Variants in MAPK9 observed in about 807,000 individuals in gnomAD.
MAPK9 encodes mitogen-activated protein kinase 9.
MAPK9 carries 30 observed loss-of-function variants against 57.1 expected under a neutral mutation model. The observed-to-expected ratio is 0.53, with a 90% CI of 0.39 to 0.71. MAPK9 has a LOEUF of 0.71. Ranked by LOEUF, MAPK9 falls within the 30% of genes least tolerant of loss-of-function variation. The pLI, the probability that MAPK9 is intolerant of heterozygous loss-of-function variation, is 0.00. For missense variants in MAPK9, 362 were observed against 521.0 expected, an observed-to-expected ratio of 0.69 and a Z score of 2.97; for synonymous variants, 155 against 177.0, an observed-to-expected ratio of 0.88 and a Z score of 0.99.
At chr5:180,253,038 A>G (rs1758875408) in intron 5 of MAPK9, among the ~76,000 whole-genome samples, 2 of 152,162 alleles carry the variant, frequency 1.3e-5, no homozygotes, top group Non-Finnish European at 2.9e-5. Context: ...CCGCCACAGG[A>G]GTGAGAGTGA....
chr5:180,236,143 C>T lies in MAPK9; in HGVS notation c.*241G>A. ...CAAATTCACCTACTCTAACTGCTCA[C>T]CTGAAATGATCTTGAACAAAATCTC... is the stretch of plus-strand genomic sequence containing the variant. On this transcript the variant is annotated 3_prime_UTR_variant, in exon 12 of 12. Transcript: ENST00000452135. The T allele has an allele frequency of 2.8e-6, 1 of 353,182 alleles. No individual in the cohort carries two copies. The allele number at this position is 353,182 out of a possible 1,614,324, so 21.9% of individuals were successfully genotyped here. A position where few individuals can be genotyped will look rare whatever the true frequency, so the allele number is the denominator to read the frequency against.
intron 2 of MAPK9, among the ~76,000 whole-genome samples, chr5:180,273,331 T>A (rs1309363595): frequency 6.6e-6 from 1 of 152,240 alleles, no homozygotes; most frequent in African/African-American, 2.4e-5. Flanking sequence ...CTTGGTTTTT[T>A]AAAATAAACA....
At chr5:180,238,827 T>C (rs1045100020) in intron 10 of MAPK9, among the ~76,000 whole-genome samples, 1 of 152,206 alleles carries the variant, frequency 6.6e-6, no homozygotes, top group African/African-American at 2.4e-5. Context: ...TAGGCTTGTC[T>C]TGAATTCCTG....
chr5:180,242,646 A>G lies in MAPK9; in HGVS notation c.798T>C (p.Tyr266=). Residue 266 remains tyrosine, a synonymous_variant, in exon 8 of 12, where the codon TAT becomes TAC. Coordinates refer to ENST00000452135, the MANE Select transcript of MAPK9 (RefSeq NM_002752.5). ...AGAGTTCTTCAAATTTGATTCCAGG[A>G]TACTTTGGTCTGTTTTCGACATAAT... The part of the protein sequence containing the change: ...VRNYVENRPK[Y]PGIKFEELFP... 1 of 1,614,148 alleles carries G rather than the reference A, an allele frequency of 6.2e-7. No individual in the cohort carries two copies. The highest frequency in any genetic ancestry group is 1.1e-5 in the South Asian group (1 of 91,084).
rs955714380 is a variant in MAPK9, at chr5:180,235,254, T to C, written c.*1130A>G. On this transcript the variant is annotated 3_prime_UTR_variant, in exon 12 of 12. Transcript: ENST00000452135. ...GCCTCCCAACAATGGAGAGCAACAA[T>C]AGCAACAGGCATCTGAATCAGCCTG... 6.6e-6 allele frequency: 1 copy of C among 152,144 alleles called. No individual in the cohort carries two copies. Among genetic ancestry groups the C allele is most frequent in the African/African-American group, 2.4e-5 (1 of 41,438 alleles). 9.4% of individuals were successfully genotyped at this position (152,144 alleles called of 1,614,324 possible). A position where few individuals can be genotyped will look rare whatever the true frequency, so the allele number is the denominator to read the frequency against.
intron 1 of MAPK9, among the ~76,000 whole-genome samples, chr5:180,282,186 T>A (rs1480124608): frequency 3.9e-5 from 6 of 152,222 alleles, no homozygotes; most frequent in African/African-American, 1.4e-4. Flanking sequence ...GTTGATCTGA[T>A]TCCCCACAGT....
chr5:180,240,113 G>A (rs895376312), intron 9 of MAPK9, 126 bp from the exon 10 acceptor site: 7 of 677,080 alleles, frequency 1.0e-5, no homozygotes, highest in African/African-American at 7.2e-5. Flanking sequence ...AATTCAACAC[G>A]TGGTTTAATA....
intron 7 of MAPK9, among the ~76,000 whole-genome samples, chr5:180,244,378 G>A (rs933391321): frequency 4.6e-5 from 7 of 152,116 alleles, no homozygotes; most frequent in Non-Finnish European, 5.9e-5. Context: ...ATTCCACCAC[G>A]TTGGTAAATG....
chr5:180,254,202 G>C (rs1351049695), intron 5 of MAPK9, among the ~76,000 whole-genome samples: 1 of 152,108 alleles, frequency 6.6e-6, no homozygotes, highest in Non-Finnish European at 1.5e-5. Flanking sequence ...CTTGACCTCA[G>C]GTGATCTGCC....
At chr5:180,256,001 T>C (rs2127590718) in intron 5 of MAPK9, among the ~76,000 whole-genome samples, 1 of 152,324 alleles carries the variant, frequency 6.6e-6, no homozygotes, top group African/African-American at 2.4e-5. Flanking sequence ...TACGCAGTTA[T>C]ATGCAAGGTG....
chr5:180,255,832 T>C (rs17627593), intron 5 of MAPK9, among the ~76,000 whole-genome samples: 64,364 of 151,930 alleles, frequency 0.42, 14,068 homozygotes, highest in African/African-American at 0.51. Context: ...AATATGGAAA[T>C]AGAGACCAAA....
chr5:180,249,055 A>C lies in MAPK9; in HGVS notation c.534T>G (p.Thr178=). The C allele has an allele frequency of 6.2e-7, 1 of 1,614,092 alleles. No individual in the cohort carries two copies. The highest frequency in any genetic ancestry group is 1.1e-5 in the South Asian group (1 of 91,054). The part of the protein sequence containing the change: ...LDFGLARTAC[T]NFMMTPYVVT... ...CCACGTAAGGGGTCATCATGAAGTT[A>C]GTGCACGCTGTCCGGGCCAGGCCAA... Residue 178 remains threonine, a synonymous_variant, in exon 6 of 12, where the codon ACT becomes ACG. Coordinates refer to ENST00000452135, the MANE Select transcript of MAPK9 (RefSeq NM_002752.5).
intron 1 of MAPK9, among the ~76,000 whole-genome samples, chr5:180,286,558 T>C (rs1561854695): frequency 2.0e-5 from 3 of 151,782 alleles, no homozygotes; most frequent in African/African-American, 7.3e-5. Flanking sequence ...CCACAGTATA[T>C]ACCACAATAC....
chr5:180,274,258 T>C (rs1761618341), intron 2 of MAPK9, among the ~76,000 whole-genome samples: 2 of 152,258 alleles, frequency 1.3e-5, no homozygotes, highest in Non-Finnish European at 1.5e-5. Context: ...TATATAAATA[T>C]GCAATTTTGC....
At chr5:180,284,818 T>G (rs1179645326) in intron 1 of MAPK9, among the ~76,000 whole-genome samples, 1 of 152,186 alleles carries the variant, frequency 6.6e-6, no homozygotes, top group South Asian at 2.1e-4. Flanking sequence ...AAGGACTTTA[T>G]GTATCAATGT....
At chr5:180,284,637 C>T (rs1762587456) in intron 1 of MAPK9, among the ~76,000 whole-genome samples, 1 of 152,238 alleles carries the variant, frequency 6.6e-6, no homozygotes, top group Non-Finnish European at 1.5e-5. Context: ...AAACACAATT[C>T]TCTAAGTGTA....
intron 6 of MAPK9, chr5:180,248,043 T>A: frequency 1.2e-6 from 1 of 852,784 alleles, no homozygotes; most frequent in Non-Finnish European, 1.8e-6. Context: ...CCTCTGTGCG[T>A]TGTTGATACC....
In MAPK9 at chr5:180,291,874, G is replaced by A. The variant is rs1763284830; in HGVS notation, c.-74C>T. The A allele has an allele frequency of 3.4e-5, 5 of 147,506 alleles. No homozygotes were observed. Among genetic ancestry groups the A allele is most frequent in the Admixed American group, 3.4e-4 (5 of 14,764 alleles). The allele number at this position is 147,506 out of a possible 1,614,324, so 9.1% of individuals were successfully genotyped here. A position where few individuals can be genotyped will look rare whatever the true frequency, so the allele number is the denominator to read the frequency against. On this transcript the variant is annotated 5_prime_UTR_variant, in exon 1 of 12. Coordinates refer to ENST00000452135, the MANE Select transcript of MAPK9 (RefSeq NM_002752.5). ...TCGCCTCCCCGCCGCCGCGCCACGG[G>A]GAGAGGGCGGGCGGGCGGACTGGCG...
At chr5:180,250,708 G>T (rs1439484318) in intron 5 of MAPK9, among the ~76,000 whole-genome samples, 1 of 152,172 alleles carries the variant, frequency 6.6e-6, no homozygotes, top group Non-Finnish European at 1.5e-5. Context: ...GATTCTGTAA[G>T]ATTTAAATGA....
Sources: allele counts gnomAD v4.1 joint callset (sites outside exome capture counted in the v4.1 genomes callset), GRCh38; gene constraint gnomAD v4.1.1; transcripts MANE v1.5; gene names NCBI Gene and HGNC (gene_info 2026-07-23, HGNC 2026-07-21).